ZFAND3: variants seen among roughly 807,000 people sequenced by gnomAD.
ZFAND3 encodes AN1-type zinc finger protein 3.
In ZFAND3, 10 loss-of-function variants were observed where a neutral mutation model predicts 29.6. The observed-to-expected ratio is 0.34, with a 90% CI of 0.21 to 0.57. The LOEUF (loss-of-function observed/expected upper bound fraction) is 0.57. Among genes scored for constraint, ZFAND3 ranks in the 20% least tolerant of loss-of-function variants. ZFAND3 has a pLI of 0.86. For missense variants in ZFAND3, 230 were observed against 304.5 expected (o/e 0.76, Z 1.82); for synonymous variants, 128 against 112.6 (o/e 1.14, Z -0.87).
At chr6:38,129,604 G>T (rs556597118) in intron 5 of ZFAND3, among the ~76,000 whole-genome samples, 45 of 152,144 alleles carry the variant, frequency 3.0e-4, no homozygotes, top group Admixed American at 1.9e-3. Context: ...TTATGTTTTT[G>T]TTTTGTCAGA....
chr6:37,955,420 T>C (rs918750783), intron 2 of ZFAND3, among the ~76,000 whole-genome samples: 3 of 152,228 alleles, frequency 2.0e-5, no homozygotes, highest in Non-Finnish European at 4.4e-5. Context: ...TCCGCTGTCC[T>C]GTCAGTTTAC....
At chr6:37,834,820 T>A (rs1763936653) in intron 1 of ZFAND3, among the ~76,000 whole-genome samples, 1 of 150,188 alleles carries the variant, frequency 6.7e-6, no homozygotes, top group Non-Finnish European at 1.5e-5. Flanking sequence ...TATGCATATA[T>A]CATTATGATA....
At chr6:38,097,094 T>G (rs1426679971) in intron 4 of ZFAND3, among the ~76,000 whole-genome samples, 5 of 152,028 alleles carry the variant, frequency 3.3e-5, no homozygotes, top group Non-Finnish European at 1.5e-5. Context: ...TGTTTTGGTT[T>G]TTGAGAGTCT....
At chr6:37,857,004 C>T (rs180682270) in intron 1 of ZFAND3, among the ~76,000 whole-genome samples, 15 of 151,850 alleles carry the variant, frequency 9.9e-5, no homozygotes, top group African/African-American at 1.4e-4. Context: ...AGTGCAGTGC[C>T]GTGATCAAAG....
At chr6:37,880,725 G>A (rs1764877332) in intron 1 of ZFAND3, among the ~76,000 whole-genome samples, 1 of 151,766 alleles carries the variant, frequency 6.6e-6, no homozygotes, top group African/African-American at 2.4e-5. Context: ...AATCACAAAT[G>A]ATTGTGCTAT....
intron 2 of ZFAND3, among the ~76,000 whole-genome samples, chr6:37,966,565 C>T (rs1332258549): frequency 1.3e-5 from 2 of 151,864 alleles, no homozygotes; most frequent in African/African-American, 4.8e-5. Context: ...GTTGAATTTT[C>T]TGGATTTTCT....
chr6:37,980,799 C>T (rs1429727585), intron 2 of ZFAND3, among the ~76,000 whole-genome samples: 3 of 152,118 alleles, frequency 2.0e-5, no homozygotes, highest in Non-Finnish European at 4.4e-5. Flanking sequence ...TTTTTCATCT[C>T]CCCTCAAATT....
intron 5 of ZFAND3, among the ~76,000 whole-genome samples, chr6:38,140,728 C>T (rs1345646278): frequency 1.3e-5 from 2 of 152,178 alleles, no homozygotes; most frequent in East Asian, 3.8e-4. Context: ...CCCTCTCCTA[C>T]ACCCCCAAGT....
chr6:38,050,043 A>C (rs1158324093), intron 2 of ZFAND3, among the ~76,000 whole-genome samples: 1 of 139,724 alleles, frequency 7.2e-6, no homozygotes, highest in East Asian at 2.1e-4. Context: ...CAACTTCTGC[A>C]TCCCAGGTTC....
chr6:38,011,103 C>A (rs533963270), intron 2 of ZFAND3, among the ~76,000 whole-genome samples: 2 of 152,000 alleles, frequency 1.3e-5, no homozygotes, highest in Non-Finnish European at 2.9e-5. Context: ...TGGCTTGTTT[C>A]AATTCGCATA....
chr6:38,078,325 G>C (rs548590919), intron 3 of ZFAND3, among the ~76,000 whole-genome samples: 1 of 152,202 alleles, frequency 6.6e-6, no homozygotes, highest in East Asian at 1.9e-4. Flanking sequence ...AGTTACCAGA[G>C]GCTTTATTCA....
chr6:37,971,247 CCTTA>C (rs1384419308), intron 2 of ZFAND3, among the ~76,000 whole-genome samples: 1 of 152,138 alleles, frequency 6.6e-6, no homozygotes, highest in Non-Finnish European at 1.5e-5. Context: ...GTGCCCCAGC[CCTTA>C]CTTACTGAGC....
intron 1 of ZFAND3, among the ~76,000 whole-genome samples, chr6:37,824,132 ACTT>A (rs1430666981): frequency 6.6e-6 from 1 of 152,230 alleles, no homozygotes; most frequent in Non-Finnish European, 1.5e-5. Context: ...GGAGACATGG[ACTT>A]AAAACTTTAA....
At chr6:37,953,955 A>G (rs1227421414) in intron 2 of ZFAND3, among the ~76,000 whole-genome samples, 1 of 152,098 alleles carries the variant, frequency 6.6e-6, no homozygotes, top group East Asian at 1.9e-4. Context: ...CTAACTTTGA[A>G]AAAGGATTTC....
chr6:38,033,538 A>G (rs977688607), intron 2 of ZFAND3, among the ~76,000 whole-genome samples: 2 of 152,156 alleles, frequency 1.3e-5, no homozygotes, highest in Admixed American at 6.5e-5. Flanking sequence ...TTAGAACAGC[A>G]TGTGTGTGAC....
chr6:38,056,003 C>G (rs570051392), intron 2 of ZFAND3, among the ~76,000 whole-genome samples: 1 of 152,068 alleles, frequency 6.6e-6, no homozygotes, highest in Non-Finnish European at 1.5e-5. Flanking sequence ...TCTTATATAC[C>G]ATAGTAAGTC....
intron 2 of ZFAND3, among the ~76,000 whole-genome samples, chr6:38,002,512 C>G (rs900983760): frequency 6.6e-6 from 1 of 151,808 alleles, no homozygotes; most frequent in Non-Finnish European, 1.5e-5. Flanking sequence ...AATCCCGTCT[C>G]TACAAAAAAT....
chr6:37,851,012 T>C (rs905283745), intron 1 of ZFAND3, among the ~76,000 whole-genome samples: 2 of 151,666 alleles, frequency 1.3e-5, no homozygotes, highest in African/African-American at 4.8e-5. Context: ...CCTAATTCAG[T>C]GAGCCTCTGC....
At position 37,837,734 on chromosome 6, in the gene ZFAND3, G is replaced by A. The variant is rs548469305; in HGVS notation, c.71+17718G>A. ...GTTGTCAGGCTGGTCTCGAACTCCC[G>A]ACCTCAGTTGATCCGCCCACCTCAG... is the stretch of plus-strand genomic sequence containing the variant. On this transcript the variant is annotated intron_variant, in intron 1 of 5. Coordinates refer to ENST00000287218, the MANE Select transcript of ZFAND3 (RefSeq NM_021943.3). 3.9e-5 allele frequency among the ~76,000 whole-genome samples: 6 copies of A among 152,000 alleles called. No individual in the cohort carries two copies. The East Asian group carries it at 7.7e-4, about 20-fold the overall frequency.
Sources: gnomAD v4.1 joint callset for allele counts (sites outside exome capture counted in the v4.1 genomes callset) on GRCh38, gnomAD v4.1.1 for gene constraint, MANE v1.5 for transcripts, NCBI Gene and HGNC (gene_info 2026-07-23, HGNC 2026-07-21) for gene names.